Variants in PCDH15 observed in about 807,000 individuals in gnomAD.
The protein encoded by PCDH15 is protocadherin related 15.
PCDH15 carries 129 observed loss-of-function variants against 178.5 expected under a neutral mutation model. The ratio of observed to expected loss-of-function variants is 0.72; its 90% CI spans 0.63 to 0.84. PCDH15 has a LOEUF of 0.84. Ranked by LOEUF, PCDH15 falls within the 40% of genes least tolerant of loss-of-function variation. PCDH15 has a pLI of 0.00. For synonymous variants in PCDH15, 800 were observed against 732.0 expected (o/e 1.09, Z -1.50); for missense variants, 2,230 against 2,099.9 (o/e 1.06, Z -1.21).
At chr10:54,007,547 G>GA (rs200173312) in intron 20 of PCDH15, among the ~76,000 whole-genome samples, 3 of 151,958 alleles carry the variant, frequency 2.0e-5, no homozygotes, top group Non-Finnish European at 4.4e-5. Flanking sequence ...ATCTTTTCAA[G>GA]AAAAAATGTA....
intron 1 of PCDH15, among the ~76,000 whole-genome samples, chr10:54,784,516 G>T (rs751082784): frequency 1.3e-5 from 2 of 151,958 alleles, no homozygotes; most frequent in Non-Finnish European, 2.9e-5. Flanking sequence ...CTACTGTTTA[G>T]CCATGAAGAA....
intron 1 of PCDH15, among the ~76,000 whole-genome samples, chr10:55,179,548 C>T (rs188468564): frequency 1.7e-5 from 2 of 118,058 alleles, no homozygotes; most frequent in African/African-American, 3.2e-5. Context: ...AGCACACACT[C>T]CCCCCCATTC....
At chr10:54,637,039 T>C (rs369391355) in intron 2 of PCDH15, among the ~76,000 whole-genome samples, 2 of 151,624 alleles carry the variant, frequency 1.3e-5, no homozygotes, top group South Asian at 4.2e-4. Context: ...TTTCCTTTTT[T>C]GAGCTAAAAT....
intron 21 of PCDH15, among the ~76,000 whole-genome samples, chr10:53,990,317 A>G (rs1293945361): frequency 1.3e-5 from 2 of 151,942 alleles, no homozygotes; most frequent in Non-Finnish European, 2.9e-5. Context: ...AGTTGTAATG[A>G]TTTTCTCTTT....
chr10:54,439,274 A>C (rs1482639604), intron 3 of PCDH15, among the ~76,000 whole-genome samples: 6 of 152,070 alleles, frequency 3.9e-5, no homozygotes, highest in African/African-American at 1.4e-4. Flanking sequence ...AAGAAAAGAA[A>C]CCAAATATGC....
At chr10:55,253,770 TA>T (rs988619995) in intron 1 of PCDH15, among the ~76,000 whole-genome samples, 6 of 152,180 alleles carry the variant, frequency 3.9e-5, no homozygotes, top group Non-Finnish European at 5.9e-5. Flanking sequence ...GTAAAATGGG[TA>T]AAAATTAAAG....
intron 1 of PCDH15, among the ~76,000 whole-genome samples, chr10:55,305,161 T>C (rs1481278883): frequency 1.3e-5 from 2 of 152,208 alleles, no homozygotes; most frequent in Non-Finnish European, 2.9e-5. Flanking sequence ...ATTCAGTGAA[T>C]GCAACTTCAT....
chr10:53,901,560 A>C (rs760598954), intron 26 of PCDH15, among the ~76,000 whole-genome samples: 1 of 152,152 alleles, frequency 6.6e-6, no homozygotes, highest in African/African-American at 2.4e-5. Flanking sequence ...CCCATGCAGC[A>C]TCTACAATAA....
chr10:54,856,360 C>T (rs955644516), intron 3 of PCDH15, among the ~76,000 whole-genome samples: 1 of 152,118 alleles, frequency 6.6e-6, no homozygotes, highest in East Asian at 1.9e-4. Context: ...CTTTCTAACT[C>T]AGGAAGCAGT....
At chr10:55,003,763 G>A (rs1415693409) in intron 2 of PCDH15, among the ~76,000 whole-genome samples, 1 of 152,172 alleles carries the variant, frequency 6.6e-6, no homozygotes, top group Non-Finnish European at 1.5e-5. Context: ...TTATGGAGCT[G>A]ATGAGACCCC....
chr10:54,059,951 T>TGC (rs2093979610), intron 18 of PCDH15, among the ~76,000 whole-genome samples: 1 of 152,226 alleles, frequency 6.6e-6, no homozygotes, highest in African/African-American at 2.4e-5. Context: ...GTCTATCCAA[T>TGC]ATGCTTCTTT....
rs780674525 is a variant in PCDH15 at position 54,020,399 on chromosome 10, A to G, written c.2544T>C (p.Leu848=). The G allele has an allele frequency of 6.2e-6, 10 of 1,613,752 alleles. No homozygotes were observed. The highest frequency in any genetic ancestry group is 1.3e-5 in the African/African-American group (1 of 75,022). The change falls in exon 20 of 38, where the codon CTT becomes CTC. Residue 848 remains leucine (L), a synonymous_variant. Transcript: ENST00000644397. ...ILQIEAKDVD[L]GANVSYRIRS... Reference sequence around the variant, plus strand: ...TTATCCGGTAAGACACATTTGCTCCAAGGTCGACATCTTTGGCCTGTAATA... The same window carrying G: ...TTATCCGGTAAGACACATTTGCTCCGAGGTCGACATCTTTGGCCTGTAATA...
rs200446504 is a variant in PCDH15, at chr10:54,183,602, G to A, written c.1441-9C>T. On this transcript the variant is annotated splice_polypyrimidine_tract_variant and intron_variant, in intron 12 of 37. Coordinates refer to ENST00000644397, the MANE Select transcript of PCDH15 (RefSeq NM_001384140.1). ...CCATCAAATGCTGTTATCTTTGGGA[G>A]GAGAAAAATACACTTAGTAGAGATG... 7 of 1,613,554 alleles carry A rather than the reference G, an allele frequency of 4.3e-6. No homozygotes were observed. Among genetic ancestry groups the A allele is most frequent in the Non-Finnish European group, 5.9e-6 (7 of 1,179,892 alleles).
At chr10:54,807,244 A>T (rs1440126689) in intron 3 of PCDH15, among the ~76,000 whole-genome samples, 1 of 152,218 alleles carries the variant, frequency 6.6e-6, no homozygotes, top group East Asian at 1.9e-4. Context: ...TACTTTCAAT[A>T]GGTTTAAAAA....
At chr10:54,462,338 C>A (rs2077217865) in intron 3 of PCDH15, among the ~76,000 whole-genome samples, 1 of 151,680 alleles carries the variant, frequency 6.6e-6, no homozygotes. Flanking sequence ...TCTTACTTGA[C>A]CTAAAACTGC....
intron 2 of PCDH15, among the ~76,000 whole-genome samples, chr10:55,024,919 G>A (rs1840436338): frequency 1.3e-5 from 2 of 151,946 alleles, no homozygotes; most frequent in African/African-American, 2.4e-5. Context: ...CGTTCTCCAG[G>A]CTGTGGCAAA....
chr10:54,346,810 C>G (rs963907397), intron 5 of PCDH15, among the ~76,000 whole-genome samples: 8 of 152,072 alleles, frequency 5.3e-5, no homozygotes, highest in Non-Finnish European at 1.0e-4. Context: ...CCTCAAAACC[C>G]TTGATGCAAT....
intron 2 of PCDH15, among the ~76,000 whole-genome samples, chr10:54,575,551 C>T (rs889014351): frequency 1.3e-5 from 2 of 151,952 alleles, no homozygotes. Flanking sequence ...TAAAATATTT[C>T]CATCTATATC....
At chr10:54,826,588 G>T (rs911499034) in intron 3 of PCDH15, among the ~76,000 whole-genome samples, 2 of 151,728 alleles carry the variant, frequency 1.3e-5, no homozygotes, top group African/African-American at 4.8e-5. Flanking sequence ...AAAGGAGTTG[G>T]AAAATCTAAT....
Sources: allele counts gnomAD v4.1 joint callset (sites outside exome capture counted in the v4.1 genomes callset), GRCh38; gene constraint gnomAD v4.1.1; transcripts MANE v1.5; gene names NCBI Gene and HGNC (gene_info 2026-07-23, HGNC 2026-07-21).